Variants in EPHA5 observed in about 807,000 individuals in gnomAD.
EPHA5 encodes the protein ephrin type-A receptor 5.
EPHA5 carries 60 observed loss-of-function variants against 105.0 expected under a neutral mutation model. The ratio of observed to expected loss-of-function variants is 0.57; its 90% CI spans 0.46 to 0.71. EPHA5 has a LOEUF of 0.71. Ranked by LOEUF, EPHA5 falls within the 30% of genes least tolerant of loss-of-function variation. The probability of loss-of-function intolerance (pLI) is 0.00; values close to 1 mark genes in which losing one functional copy is unlikely to be tolerated. For missense variants in EPHA5, 1,218 were observed against 1,274.7 expected (o/e 0.96, Z 0.68); for synonymous variants, 513 against 449.1 (o/e 1.14, Z -1.80).
At chr4:65,557,347 T>C (rs1174186975) in intron 3 of EPHA5, among the ~76,000 whole-genome samples, 3 of 150,024 alleles carry the variant, frequency 2.0e-5, no homozygotes, top group Non-Finnish European at 4.4e-5. Flanking sequence ...GCATAATCTG[T>C]AACTAATGTA....
intron 2 of EPHA5, among the ~76,000 whole-genome samples, 159 bp from the exon 3 acceptor site, chr4:65,602,463 G>T (rs1029226611): frequency 2.6e-5 from 4 of 152,134 alleles, no homozygotes; most frequent in Admixed American, 1.3e-4. Context: ...AGTATTGGGA[G>T]AAGAGAATCA....
intron 5 of EPHA5, among the ~76,000 whole-genome samples, chr4:65,463,530 C>A (rs1728319049): frequency 1.3e-5 from 2 of 152,144 alleles, no homozygotes; most frequent in South Asian, 4.1e-4. Context: ...AGAGAATAAA[C>A]CCAAAGATAT....
At chr4:65,346,358 T>C (rs761004451) in intron 14 of EPHA5, among the ~76,000 whole-genome samples, 1 of 152,090 alleles carries the variant, frequency 6.6e-6, no homozygotes, top group Non-Finnish European at 1.5e-5. Context: ...TATAATTTTG[T>C]TAGTGAAAAC....
intron 2 of EPHA5, among the ~76,000 whole-genome samples, chr4:65,640,292 T>TTTTA: frequency 7.1e-6 from 1 of 140,812 alleles, no homozygotes; most frequent in Middle Eastern, 3.6e-3. Flanking sequence ...CTTTTTTTTT[T>TTTTA]TTTTTTTTTT....
At chr4:65,351,734 G>A in intron 12 of EPHA5, 136 bp from the exon 13 acceptor site, 1 of 729,636 alleles carries the variant, frequency 1.4e-6, no homozygotes, top group South Asian at 1.9e-5. Context: ...GAAGGAGATT[G>A]GAAAATGGTA....
At chr4:65,507,476 A>T (rs892089178) in intron 3 of EPHA5, among the ~76,000 whole-genome samples, 1 of 152,216 alleles carries the variant, frequency 6.6e-6, no homozygotes, top group South Asian at 2.1e-4. Context: ...CATTTTCACG[A>T]TATTGATGCT....
At chr4:65,356,637 A>C (rs191640674) in intron 11 of EPHA5, among the ~76,000 whole-genome samples, 178 of 151,646 alleles carry the variant, frequency 1.2e-3, no homozygotes, top group Admixed American at 3.4e-3. Context: ...TAAGGACCTA[A>C]AACACCTCTC....
chr4:65,514,512 C>T (rs1354492331), intron 3 of EPHA5, among the ~76,000 whole-genome samples: 1 of 152,146 alleles, frequency 6.6e-6, no homozygotes, highest in African/African-American at 2.4e-5. Context: ...AACCTACAGA[C>T]ATGTTAGTGA....
At chr4:65,377,763 T>C (rs1719154041) in intron 8 of EPHA5, among the ~76,000 whole-genome samples, 1 of 151,960 alleles carries the variant, frequency 6.6e-6, no homozygotes, top group Admixed American at 6.6e-5. Context: ...TAGTAATAAA[T>C]CCAGGAAATA....
At chr4:65,507,996 C>A (rs1733236304) in intron 3 of EPHA5, among the ~76,000 whole-genome samples, 1 of 151,802 alleles carries the variant, frequency 6.6e-6, no homozygotes, top group Non-Finnish European at 1.5e-5. Context: ...ATATCATGAC[C>A]CTTAGGCTCT....
chr4:65,588,730 G>A (rs140392308), intron 3 of EPHA5, among the ~76,000 whole-genome samples: 64 of 152,200 alleles, frequency 4.2e-4, no homozygotes, highest in African/African-American at 1.5e-3. Flanking sequence ...AAATGAAAAT[G>A]TGCACACTTG....
intron 5 of EPHA5, among the ~76,000 whole-genome samples, chr4:65,437,795 T>G (rs1409335491): frequency 1.3e-5 from 2 of 152,048 alleles, no homozygotes; most frequent in African/African-American, 4.8e-5. Context: ...TTTACCTAAC[T>G]CACAATGTCA....
rs2148854799 is a variant in EPHA5 at position 65,351,486 on chromosome 4, C to T, written c.2348G>A (p.Arg783Lys). Residue 783 changes from arginine (R) to lysine (K), a missense_variant, in exon 13 of 17, where the codon AGA (arginine) becomes AAA (lysine). Arg to Lys is a conservative substitution (Grantham distance 26). This residue lies in a region of EPHA5 where 971 missense variants were observed against 1,013.5 expected (regional missense o/e 0.96). Coordinates refer to ENST00000613740, the MANE Select transcript of EPHA5 (RefSeq NM_001281766.3). ...AAGGTTACTGTTGATTAAGATGTTTCTGGCAGCAAGATCTCTATGCACATA... is the reference window on the plus strand; with the variant it reads ...AAGGTTACTGTTGATTAAGATGTTTTTGGCAGCAAGATCTCTATGCACATA... The part of the protein sequence containing the change: ...MGYVHRDLAA[R>K]NILINSNLVC... The T allele has an allele frequency of 1.2e-6, 2 of 1,613,842 alleles. No individual in the cohort carries two copies. The highest frequency in any genetic ancestry group is 1.7e-6 in the Non-Finnish European group (2 of 1,179,838).
rs1731860108 is a variant in EPHA5 at position 65,495,666 on chromosome 4, T to A, written c.911-123A>T. The A allele has an allele frequency of 6.5e-6, 5 of 763,912 alleles. No homozygotes were observed. The South Asian group carries it at 9.8e-5, about 15-fold the overall frequency. The allele number at this position is 763,912 out of a possible 1,614,324, so 47.3% of individuals were successfully genotyped here. On this transcript the variant is annotated intron_variant, in intron 3 of 16. Coordinates refer to ENST00000613740, the MANE Select transcript of EPHA5 (RefSeq NM_001281766.3). ...AGATAACACAATCTTTGCATCAATT[T>A]CAAGAAGTTTTCATAAGCTTCTGGA...
At chr4:65,431,553 C>G (rs112235972) in intron 5 of EPHA5, among the ~76,000 whole-genome samples, 5,060 of 151,948 alleles carry the variant, frequency 0.033, 93 homozygotes, top group Admixed American at 0.063. Flanking sequence ...GTCTTCCCAC[C>G]GAAGAAAAAG....
At chr4:65,386,517 A>G (rs950722819) in intron 8 of EPHA5, among the ~76,000 whole-genome samples, 24 of 151,954 alleles carry the variant, frequency 1.6e-4, no homozygotes, top group African/African-American at 5.6e-4. Flanking sequence ...TGACAGAAAT[A>G]GTAAGATACA....
chr4:65,570,331 G>T (rs554748881), intron 3 of EPHA5, among the ~76,000 whole-genome samples: 1 of 151,742 alleles, frequency 6.6e-6, no homozygotes, highest in Non-Finnish European at 1.5e-5. Context: ...ATGAATTCAA[G>T]GCACTATTCC....
At chr4:65,612,444 T>A (rs1178225055) in intron 2 of EPHA5, among the ~76,000 whole-genome samples, 1 of 152,206 alleles carries the variant, frequency 6.6e-6, no homozygotes, top group African/African-American at 2.4e-5. Context: ...GTTTCTGAAC[T>A]GTTTCACTTA....
rs13435234 is a variant in EPHA5 at position 65,399,899 on chromosome 4, G to T, written c.1793+4475C>A. On this transcript the variant is annotated intron_variant, in intron 8 of 16. Transcript: ENST00000613740. ...AAGAGATTGCTTCTATAAACTAAAA[G>T]ATGTTTTCCTTTGTATGTCTATACC... is the stretch of plus-strand genomic sequence containing the variant. 6.5e-3 allele frequency among the ~76,000 whole-genome samples: 992 copies of T among 152,246 alleles called. 12 individuals are homozygous for T. The highest frequency in any genetic ancestry group is 0.023 in the African/African-American group (953 of 41,558).
Sources: gnomAD v4.1 joint callset for allele counts (sites outside exome capture counted in the v4.1 genomes callset) on GRCh38, gnomAD v4.1.1 for gene constraint, gnomAD v4.1.1 regional missense constraint, MANE v1.5 for transcripts, NCBI Gene and HGNC (gene_info 2026-07-23, HGNC 2026-07-21) for gene names.